Variants in DZIP1L observed in about 807,000 individuals in gnomAD.
DZIP1L encodes DAZ interacting zinc finger protein 1 like.
Under a neutral mutation model 88.7 loss-of-function variants are expected in DZIP1L, and 90 were observed. That is an observed-to-expected ratio of 1.02 (90% CI 0.86 to 1.21). The LOEUF (loss-of-function observed/expected upper bound fraction) is 1.21, where lower values mean the gene tolerates loss of function less well. Ranked by LOEUF, DZIP1L falls within the 50% of genes most tolerant of loss-of-function variation. The pLI is 0.00. For missense variants in DZIP1L, 932 were observed against 955.8 expected, an observed-to-expected ratio of 0.98 and a Z score of 0.33; for synonymous variants, 363 against 372.1, an observed-to-expected ratio of 0.98 and a Z score of 0.28.
intron 1 of DZIP1L, among the ~76,000 whole-genome samples, chr3:138,114,146 G>A (rs964470909): frequency 6.6e-6 from 1 of 152,218 alleles, no homozygotes; most frequent in Admixed American, 6.5e-5. Context: ...GCCAGGCCTA[G>A]GGACAGGAGA....
At chr3:138,072,905 C>T (rs943227118) in intron 11 of DZIP1L, among the ~76,000 whole-genome samples, 2 of 152,170 alleles carry the variant, frequency 1.3e-5, no homozygotes, top group African/African-American at 4.8e-5. Context: ...AGATTTCCCC[C>T]ACTTCCCTGG....
chr3:138,083,998 T>C, intron 8 of DZIP1L, 115 bp downstream of exon 8: 2 of 1,429,350 alleles, frequency 1.4e-6, no homozygotes, highest in South Asian at 2.8e-5. Flanking sequence ...TCTCTCTCCT[T>C]AAGGAGCCTG....
intron 4 of DZIP1L, among the ~76,000 whole-genome samples, 170 bp downstream of exon 4, chr3:138,094,692 T>C (rs1336036311): frequency 6.6e-6 from 1 of 152,256 alleles, no homozygotes; most frequent in African/African-American, 2.4e-5. Context: ...CAATTTTCCT[T>C]TCCAGGCTAC....
chr3:138,073,781 A>G (rs185009252), intron 11 of DZIP1L, among the ~76,000 whole-genome samples: 1 of 152,308 alleles, frequency 6.6e-6, no homozygotes, highest in East Asian at 1.9e-4. Flanking sequence ...GGGACCAAAG[A>G]AAGGTGAAGC....
At position 138,092,367 on chromosome 3, in the gene DZIP1L, CT is replaced by C; in HGVS notation, c.870+15del. 6.6e-7 allele frequency: 1 copy of C among 1,507,036 alleles called. No homozygotes were observed. Among genetic ancestry groups the C allele is most frequent in the Non-Finnish European group, 8.8e-7 (1 of 1,134,808 alleles). 93.4% of individuals were successfully genotyped at this position (1,507,036 alleles called of 1,614,324 possible). ...TTCCAACAAAGAAACTTTAAAAAGC[CT>C]TTTATGTTGGGTACCTCTTCTAGTG... On this transcript the variant is annotated intron_variant, in intron 5 of 15. Coordinates refer to ENST00000327532, the MANE Select transcript of DZIP1L (RefSeq NM_173543.3).
At chr3:138,072,303 C>T (rs1183239331) in intron 11 of DZIP1L, among the ~76,000 whole-genome samples, 1 of 152,134 alleles carries the variant, frequency 6.6e-6, no homozygotes, top group African/African-American at 2.4e-5. Flanking sequence ...TTGGAAGTTG[C>T]TCGAGCTTTT....
intron 9 of DZIP1L, 150 bp from the exon 10 acceptor site, chr3:138,080,770 A>G: frequency 1.5e-6 from 1 of 677,722 alleles, no homozygotes; most frequent in African/African-American, 1.8e-5. Context: ...GACAGAGCAG[A>G]CACTGGCGGC....
intron 4 of DZIP1L, among the ~76,000 whole-genome samples, chr3:138,093,989 G>C (rs542737700): frequency 2.0e-5 from 3 of 152,198 alleles, no homozygotes; most frequent in African/African-American, 7.2e-5. Flanking sequence ...TAACTTGGCT[G>C]TTTGGCACAA....
chr3:138,080,701 G>T, intron 9 of DZIP1L, 81 bp from the exon 10 acceptor site: 1 of 1,469,250 alleles, frequency 6.8e-7, no homozygotes. Flanking sequence ...AACCCCAGCT[G>T]AGTATGAGCC....
At chr3:138,072,881 G>C (rs1943243246) in intron 11 of DZIP1L, among the ~76,000 whole-genome samples, 1 of 152,166 alleles carries the variant, frequency 6.6e-6, no homozygotes, top group African/African-American at 2.4e-5. Context: ...GATGGGCTGA[G>C]GCCTGTGACT....
chr3:138,103,580 C>T lies in DZIP1L; in HGVS notation c.392G>A (p.Arg131His), dbSNP rs978089953. ...CACACCCTTGAGCTCGTCAGCCTGG[C>T]GTCCCAGCTCCTGCTGACCACGCTG... Reference protein sequence around the residue: ...QQQRGQQELGRQADELKGVRE... With the variant: ...QQQRGQQELGHQADELKGVRE... The change falls in exon 2 of 16, where the codon CGC (arginine) becomes CAC (histidine). Residue 131 changes from arginine to histidine, a missense_variant. Physicochemically the swap from Arg to His is conservative, Grantham distance 29. Coordinates refer to ENST00000327532, the MANE Select transcript of DZIP1L (RefSeq NM_173543.3). The T allele has an allele frequency of 6.8e-6, 11 of 1,607,366 alleles. No individual in the cohort carries two copies. The highest frequency in any genetic ancestry group is 4.0e-5 in the African/African-American group (3 of 74,910).
chr3:138,097,215 T>C (rs1694071540), intron 3 of DZIP1L, among the ~76,000 whole-genome samples: 2 of 150,406 alleles, frequency 1.3e-5, no homozygotes, highest in Non-Finnish European at 3.0e-5. Flanking sequence ...GAAAAGTGAA[T>C]GTAAAATATG....
At chr3:138,107,742 G>T (rs904589438) in intron 1 of DZIP1L, among the ~76,000 whole-genome samples, 2 of 151,976 alleles carry the variant, frequency 1.3e-5, no homozygotes, top group Non-Finnish European at 2.9e-5. Flanking sequence ...TGCCTATGTG[G>T]GCCCAGCCCA....
Position 138,104,024 on chromosome 3 carries a change from G to A in DZIP1L, c.-53C>T. 9.0e-6 allele frequency: 14 copies of A among 1,556,898 alleles called. No individual in the cohort carries two copies. The highest frequency in any genetic ancestry group is 1.2e-5 in the Non-Finnish European group (14 of 1,161,038). On this transcript the variant is annotated 5_prime_UTR_variant, in exon 2 of 16. Coordinates refer to ENST00000327532, the MANE Select transcript of DZIP1L (RefSeq NM_173543.3). ...CAGAGGAGGGGGGCACCAAGGCCAC[G>A]GCAGTAGGCCAAGGAGCTGAGAGAA...
intron 2 of DZIP1L, among the ~76,000 whole-genome samples, chr3:138,098,946 G>T (rs1238828683): frequency 2.0e-5 from 3 of 152,120 alleles, no homozygotes; most frequent in Non-Finnish European, 4.4e-5. Context: ...AGGAGTTCGA[G>T]ACCAGCCCGG....
At chr3:138,101,886 G>C in intron 2 of DZIP1L, 1 of 1,423,750 alleles carries the variant, frequency 7.0e-7, no homozygotes, top group Non-Finnish European at 9.9e-7. Flanking sequence ...GCTTGGCGTT[G>C]GCATCCTTAA....
chr3:138,111,069 C>A (rs765118659), intron 1 of DZIP1L, among the ~76,000 whole-genome samples: 1 of 152,230 alleles, frequency 6.6e-6, no homozygotes, highest in African/African-American at 2.4e-5. Context: ...CTTCCTCCCC[C>A]ACTCCCCTGG....
chr3:138,072,483 C>G (rs943489525), intron 11 of DZIP1L, among the ~76,000 whole-genome samples: 1 of 151,750 alleles, frequency 6.6e-6, no homozygotes, highest in Non-Finnish European at 1.5e-5. Context: ...CTAAAATAAC[C>G]CTAGTTGTCT....
At chr3:138,096,781 T>A (rs1396394422) in intron 3 of DZIP1L, among the ~76,000 whole-genome samples, 1 of 152,164 alleles carries the variant, frequency 6.6e-6, no homozygotes, top group African/African-American at 2.4e-5. Context: ...TTTTTTTTTA[T>A]GAAAAGAGAA....
Sources: allele counts gnomAD v4.1 joint callset (sites outside exome capture counted in the v4.1 genomes callset), GRCh38; gene constraint gnomAD v4.1.1; transcripts MANE v1.5; gene names NCBI Gene and HGNC (gene_info 2026-07-23, HGNC 2026-07-21).